PDZD2: variants seen among roughly 807,000 people sequenced by gnomAD.
PDZD2 encodes PDZ domain-containing protein 2.
In PDZD2, 90 loss-of-function variants were observed where a neutral mutation model predicts 220.7. That is an observed-to-expected ratio of 0.41 (90% CI 0.34 to 0.49). The LOEUF is 0.49. Among genes scored for constraint, PDZD2 ranks in the 20% least tolerant of loss-of-function variants. PDZD2 has a pLI of 0.28. For missense variants in PDZD2, 3,174 were observed against 3,608.5 expected, an observed-to-expected ratio of 0.88 and a Z score of 3.08; for synonymous variants, 1,375 against 1,450.5, an observed-to-expected ratio of 0.95 and a Z score of 1.18.
In PDZD2 at chr5:31,931,246, C is replaced by T. The variant is rs149444653; in HGVS notation, c.477-51909C>T. Among the ~76,000 whole-genome samples, 386 of 152,288 alleles carry T rather than the reference C, an allele frequency of 2.5e-3. 1 individual carries two copies. The highest frequency in any genetic ancestry group is 6.2e-3 in the African/African-American group (258 of 41,552). ...CCATGTTGGCCAGGCTGGTTTCGAA[C>T]GCCTGACATCAAGTGATCCACCTGC... On this transcript the variant is annotated intron_variant, in intron 2 of 24. Coordinates refer to ENST00000438447, the MANE Select transcript of PDZD2 (RefSeq NM_178140.4).
intron 2 of PDZD2, among the ~76,000 whole-genome samples, chr5:31,865,002 C>T (rs887792604): frequency 6.6e-6 from 1 of 151,636 alleles, no homozygotes; most frequent in Admixed American, 6.6e-5. Flanking sequence ...GCGCCCGCCA[C>T]CACGCCTGGC....
intron 1 of PDZD2, among the ~76,000 whole-genome samples, chr5:31,707,706 T>C (rs147466478): frequency 6.6e-5 from 10 of 152,286 alleles, no homozygotes; most frequent in African/African-American, 2.4e-4. Context: ...TACTTCACTG[T>C]AGCATCAACT....
intron 2 of PDZD2, among the ~76,000 whole-genome samples, chr5:31,949,029 C>T (rs1169030218): frequency 7.5e-6 from 1 of 133,668 alleles, no homozygotes; most frequent in Non-Finnish European, 1.5e-5. Context: ...ACCCAGGAGG[C>T]GGAGGTTGCA....
At chr5:31,999,884 T>C (rs983282335) in intron 4 of PDZD2, among the ~76,000 whole-genome samples, 4 of 152,174 alleles carry the variant, frequency 2.6e-5, no homozygotes, top group Non-Finnish European at 5.9e-5. Context: ...TCACTGACAT[T>C]GATGCCAGGT....
At chr5:31,701,462 G>A (rs914523506) in intron 1 of PDZD2, among the ~76,000 whole-genome samples, 3 of 152,118 alleles carry the variant, frequency 2.0e-5, no homozygotes, top group African/African-American at 7.2e-5. Flanking sequence ...CAAAGTGCTC[G>A]GATTACAGGT....
intron 6 of PDZD2, among the ~76,000 whole-genome samples, chr5:32,026,557 G>A (rs749114160): frequency 7.9e-5 from 12 of 151,026 alleles, no homozygotes; most frequent in Non-Finnish European, 1.5e-4. Context: ...GTGCACGCAC[G>A]CACACACACA....
intron 1 of PDZD2, among the ~76,000 whole-genome samples, chr5:31,662,247 GT>G (rs1317094013): frequency 2.0e-5 from 3 of 152,166 alleles, no homozygotes; most frequent in African/African-American, 7.2e-5. Context: ...GGAGGCAGAG[GT>G]TGCAGTGGGC....
intron 24 of PDZD2, among the ~76,000 whole-genome samples, chr5:32,105,254 G>T (rs1744655678): frequency 6.6e-6 from 1 of 152,140 alleles, no homozygotes; most frequent in Non-Finnish European, 1.5e-5. Flanking sequence ...ATGGACAGAA[G>T]TTAAAACCTA....
intron 20 of PDZD2, among the ~76,000 whole-genome samples, chr5:32,091,765 C>A (rs550313353): frequency 6.6e-6 from 1 of 152,188 alleles, no homozygotes; most frequent in East Asian, 1.9e-4. Flanking sequence ...ATTTTAGTGC[C>A]CTTGGTTTTT....
rs1215709111 is a variant in PDZD2, at chr5:31,725,338, C to CAA, written c.-360-73532_-360-73531dup. On this transcript the variant is annotated intron_variant, in intron 1 of 24. Transcript: ENST00000438447. The stretch of plus-strand genomic sequence containing the variant: ...GGGGGACGAGAGCAAAACTCCATCT[C>CAA]AAAAAAAAAAAAAAAAAAAAGAGTG... Among the ~76,000 whole-genome samples, 103 of 67,126 alleles carry CAA rather than the reference C, an allele frequency of 1.5e-3. 1 individual carries two copies. The highest frequency in any genetic ancestry group is 4.4e-3 in the East Asian group (11 of 2,490). 44.0% of individuals were successfully genotyped at this position (67,126 alleles called of 152,430 possible). A position where few individuals can be genotyped will look rare whatever the true frequency, so the allele number is the denominator to read the frequency against.
chr5:31,690,572 C>A (rs530289718), intron 1 of PDZD2, among the ~76,000 whole-genome samples: 234 of 152,290 alleles, frequency 1.5e-3, no homozygotes, highest in African/African-American at 5.4e-3. Context: ...GGTGGCCATC[C>A]CTGTTCCTTA....
intron 2 of PDZD2, among the ~76,000 whole-genome samples, chr5:31,971,097 C>T (rs938360568): frequency 6.6e-6 from 1 of 152,194 alleles, no homozygotes; most frequent in Non-Finnish European, 1.5e-5. Flanking sequence ...TGCTCAGATA[C>T]CTAGACACCA....
chr5:31,686,997 C>A (rs1479663), intron 1 of PDZD2, among the ~76,000 whole-genome samples: 67,878 of 151,630 alleles, frequency 0.45, 15,601 homozygotes, highest in East Asian at 0.69. Flanking sequence ...TGCTGTGAGC[C>A]TAAAGAGGAC....
intron 6 of PDZD2, among the ~76,000 whole-genome samples, chr5:32,021,939 C>T (rs988483804): frequency 6.6e-6 from 1 of 152,142 alleles, no homozygotes; most frequent in African/African-American, 2.4e-5. Flanking sequence ...CCTGCTGATA[C>T]CAGATACAAC....
intron 1 of PDZD2, among the ~76,000 whole-genome samples, chr5:31,761,581 C>T (rs1180108541): frequency 2.6e-5 from 4 of 151,890 alleles, no homozygotes; most frequent in African/African-American, 9.7e-5. Flanking sequence ...GAAGGTTAGG[C>T]CAGGCACAGT....
intron 1 of PDZD2, among the ~76,000 whole-genome samples, chr5:31,766,766 T>C (rs1051722812): frequency 1.3e-4 from 19 of 151,632 alleles, no homozygotes; most frequent in Non-Finnish European, 2.1e-4. Context: ...GTTTCGCTCT[T>C]GTCTCCCAGG....
intron 1 of PDZD2, among the ~76,000 whole-genome samples, chr5:31,785,124 G>A (rs1019912605): frequency 2.1e-4 from 32 of 152,038 alleles, no homozygotes; most frequent in Non-Finnish European, 4.1e-4. Context: ...CATTGATTAC[G>A]TGGATGCAAA....
At chr5:31,720,516 GA>G (rs1444899536) in intron 1 of PDZD2, among the ~76,000 whole-genome samples, 1 of 152,150 alleles carries the variant, frequency 6.6e-6, no homozygotes, top group African/African-American at 2.4e-5. Context: ...AGGAGGAAAA[GA>G]ATACAAATTT....
At chr5:32,016,035 A>T (rs187642956) in intron 6 of PDZD2, among the ~76,000 whole-genome samples, 232 of 152,328 alleles carry the variant, frequency 1.5e-3, no homozygotes, top group African/African-American at 5.0e-3. Flanking sequence ...CTTTTGGGCG[A>T]TTCAGGTTTT....
Sources: gnomAD v4.1 joint callset for allele counts (sites outside exome capture counted in the v4.1 genomes callset) on GRCh38, gnomAD v4.1.1 for gene constraint, MANE v1.5 for transcripts, NCBI Gene and HGNC (gene_info 2026-07-23, HGNC 2026-07-21) for gene names.